Variants in VSIG1 observed in about 807,000 individuals in gnomAD.
VSIG1 encodes V-set and immunoglobulin domain containing 1.
A neutral mutation model predicts 20.1 loss-of-function variants in VSIG1; 11 were observed. The observed-to-expected ratio is 0.55, with a 90% CI of 0.34 to 0.91. The LOEUF is 0.91. VSIG1 is among the 40% of genes least tolerant of loss of function. The pLI, the probability that VSIG1 is intolerant of heterozygous loss-of-function variation, is 0.02. For missense variants in VSIG1, 283 were observed against 298.8 expected, an observed-to-expected ratio of 0.95 and a Z score of 0.39; for synonymous variants, 126 against 116.7, an observed-to-expected ratio of 1.08 and a Z score of -0.52.
chrX:108,064,174 C>T (rs752060492), intron 2 of VSIG1, among the ~76,000 whole-genome samples: 2 of 111,695 alleles, frequency 1.8e-5, no homozygotes, highest in African/African-American at 6.5e-5. Flanking sequence ...TGGACTTCCC[C>T]TTAACAGAAA....
the VSIG1 span, among the ~76,000 whole-genome samples, chrX:108,034,517 GT>G: frequency 1.8e-5 from 2 of 111,093 alleles, no homozygotes; most frequent in Admixed American, 1.9e-4. Context: ...TCTACCAGGT[GT>G]TTTTTTGTTT....
chrX:108,041,553 C>CGTGT (rs371173365), upstream of VSIG1, among the ~76,000 whole-genome samples: 1,890 of 99,905 alleles, frequency 0.019, 26 homozygotes, highest in African/African-American at 0.035. Context: ...TAAAAAACCT[C>CGTGT]GTGTGTGTGT....
the VSIG1 span, among the ~76,000 whole-genome samples, chrX:108,019,065 C>A: frequency 8.9e-6 from 1 of 111,886 alleles, no homozygotes; most frequent in African/African-American, 3.3e-5. Flanking sequence ...GTTCTCTAGC[C>A]CCTGGGCAGT....
chrX:108,067,815 T>C (rs2031163231), intron 3 of VSIG1, among the ~76,000 whole-genome samples: 1 of 112,256 alleles, frequency 8.9e-6, no homozygotes, highest in Admixed American at 9.4e-5. Context: ...TAGAAGTCCT[T>C]ACAATCTCTG....
At chrX:108,036,585 A>AC in the VSIG1 span, among the ~76,000 whole-genome samples, 10 of 111,894 alleles carry the variant, frequency 8.9e-5, no homozygotes, top group East Asian at 2.5e-3. Flanking sequence ...GCACAAGCTG[A>AC]CTCATACTTA....
the VSIG1 span, among the ~76,000 whole-genome samples, chrX:108,021,756 T>A: frequency 8.9e-6 from 1 of 112,291 alleles, no homozygotes; most frequent in Non-Finnish European, 1.9e-5. Context: ...AGTAAAAAAA[T>A]TATGCTTTTT....
the VSIG1 span, among the ~76,000 whole-genome samples, chrX:108,019,651 G>T: frequency 4.5e-5 from 5 of 112,152 alleles, no homozygotes; most frequent in Non-Finnish European, 9.4e-5. Context: ...CTTCGGGGGA[G>T]GTTAGAATTG....
At chrX:108,065,994 T>G (rs962038813) in intron 2 of VSIG1, among the ~76,000 whole-genome samples, 2 of 111,463 alleles carry the variant, frequency 1.8e-5, no homozygotes, top group Admixed American at 9.5e-5. Context: ...TATATCACAG[T>G]GAGGGGCAGA....
chrX:108,072,529 A>G, intron 3 of VSIG1, 148 bp from the exon 4 acceptor site: 1 of 538,140 alleles, frequency 1.9e-6, no homozygotes. Context: ...CTGGGATTAC[A>G]GGCATGAGCC....
At position 108,045,166 on chromosome X, in the gene VSIG1, A is replaced by G. The variant is rs776662258; in HGVS notation, c.36A>G (p.Leu12=). 1.8e-4 allele frequency: 220 copies of G among 1,190,675 alleles called. No homozygotes were observed. The highest frequency in any genetic ancestry group is 2.4e-4 in the Non-Finnish European group (214 of 883,962). ...CATTTTGGAAGGTCTTTCTGATCCTAAGCTGCCTTGCAGGTAAGGAAAGGA... is the reference window on the plus strand; with the variant it reads ...CATTTTGGAAGGTCTTTCTGATCCTGAGCTGCCTTGCAGGTAAGGAAAGGA... ...VFAFWKVFLI[L]SCLAGQVSVV... Residue 12 remains leucine (L), a synonymous_variant, in exon 1 of 7, where the codon CTA becomes CTG. Coordinates refer to ENST00000217957, the MANE Select transcript of VSIG1 (RefSeq NM_182607.5).
intron 1 of VSIG1, among the ~76,000 whole-genome samples, 188 bp from the exon 2 acceptor site, chrX:108,057,850 G>A (rs2030934732): frequency 9.0e-6 from 1 of 111,368 alleles, no homozygotes; most frequent in Non-Finnish European, 1.9e-5. Flanking sequence ...ATGATAATTT[G>A]TTAGAAACTC....
At chrX:108,045,847 T>C (rs1038063437) in intron 1 of VSIG1, among the ~76,000 whole-genome samples, 1 of 112,147 alleles carries the variant, frequency 8.9e-6, no homozygotes, top group Admixed American at 9.5e-5. Flanking sequence ...CAGATACATT[T>C]TGCATCTGTT....
At chrX:108,062,266 C>T (rs1357468633) in intron 2 of VSIG1, among the ~76,000 whole-genome samples, 1 of 111,539 alleles carries the variant, frequency 9.0e-6, no homozygotes, top group Non-Finnish European at 1.9e-5. Flanking sequence ...ATACCCTTTG[C>T]CAGTCTCATA....
rs1240880729 is a variant in VSIG1, at chrX:108,066,839, T to G, written c.214-97T>G. On this transcript the variant is annotated intron_variant, in intron 2 of 6. Transcript: ENST00000217957. Reference sequence around the variant, plus strand: ...TTCCTGGTGGGGGGAAGATGCTGCTTCTTTATCAAAGGTAATGTGTTTAGA... The same window carrying G: ...TTCCTGGTGGGGGGAAGATGCTGCTGCTTTATCAAAGGTAATGTGTTTAGA... 11 of 841,619 alleles carry G rather than the reference T, an allele frequency of 1.3e-5. No individual in the cohort carries two copies. In the South Asian group the frequency reaches 2.6e-4, roughly 20 times the overall value. The allele number at this position is 841,619 out of a possible 1,213,427, so 69.4% of individuals were successfully genotyped here. A position where few individuals can be genotyped will look rare whatever the true frequency, so the allele number is the denominator to read the frequency against.
At chrX:108,047,961 C>CATAT (rs1172282311) in intron 1 of VSIG1, among the ~76,000 whole-genome samples, 345 of 19,907 alleles carry the variant, frequency 0.017, 19 homozygotes, top group Non-Finnish European at 0.018. Flanking sequence ...TATACACACA[C>CATAT]ATATATATAT....
At chrX:108,056,863 G>A (rs2030911082) in intron 1 of VSIG1, among the ~76,000 whole-genome samples, 1 of 111,916 alleles carries the variant, frequency 8.9e-6, no homozygotes, top group Admixed American at 9.4e-5. Flanking sequence ...TATGCAACTG[G>A]CGTATGATCC....
intron 1 of VSIG1, among the ~76,000 whole-genome samples, chrX:108,057,109 T>A (rs1166381117): frequency 1.8e-5 from 2 of 112,242 alleles, no homozygotes; most frequent in Non-Finnish European, 3.8e-5. Context: ...AAATTTTAGA[T>A]AATTATGCTG....
At chrX:108,051,338 C>A (rs970208311) in intron 1 of VSIG1, among the ~76,000 whole-genome samples, 2 of 111,371 alleles carry the variant, frequency 1.8e-5, no homozygotes, top group Admixed American at 9.5e-5. Flanking sequence ...AACTGAGAGG[C>A]ACCTGGAAGC....
Position 108,076,183 on chromosome X carries a change from AAAAG to A in VSIG1, c.803_806del (p.Arg268IlefsTer11). 8.3e-7 allele frequency: 1 copy of A among 1,211,017 alleles called. No individual in the cohort carries two copies. The highest frequency in any genetic ancestry group is 1.8e-5 in the South Asian group (1 of 56,755). On this transcript the variant is annotated frameshift_variant, in exon 6 of 7. Transcript: ENST00000217957. LOFTEE classifies it low-confidence loss of function (END_TRUNC). ...CAAGGAATAAGGCAAAAGCAAAGGC[AAAAG>A]AAAGAAATTCTAAGACCATCGCGGA... is the stretch of plus-strand genomic sequence containing the variant.
Sources: allele counts gnomAD v4.1 joint callset (sites outside exome capture counted in the v4.1 genomes callset), GRCh38; gene constraint gnomAD v4.1.1; transcripts MANE v1.5; gene names NCBI Gene and HGNC (gene_info 2026-07-23, HGNC 2026-07-21).